The following GLRA2 variants were observed in gnomAD, a reference collection of about 807,000 sequenced individuals.
GLRA2 encodes glycine receptor subunit alpha-2.
GLRA2 carries 11 observed loss-of-function variants against 31.6 expected under a neutral mutation model. The ratio of observed to expected loss-of-function variants is 0.35; its 90% CI spans 0.22 to 0.58. The LOEUF is 0.58. GLRA2 is among the 20% of genes least tolerant of loss of function. The probability of loss-of-function intolerance (pLI) is 0.84; values close to 1 mark genes in which losing one functional copy is unlikely to be tolerated. For synonymous variants in GLRA2, 132 were observed against 134.0 expected (o/e 0.99, Z 0.10); for missense variants, 212 against 351.8 (o/e 0.60, Z 3.18).
the GLRA2 span, among the ~76,000 whole-genome samples, chrX:14,460,440 A>C: frequency 8.9e-6 from 1 of 112,086 alleles, no homozygotes; most frequent in Non-Finnish European, 1.9e-5. Context: ...TAATTTCAGA[A>C]GGAATGGAAC....
chrX:14,702,689 C>G (rs1296822470), intron 8 of GLRA2, among the ~76,000 whole-genome samples: 1 of 111,192 alleles, frequency 9.0e-6, no homozygotes, highest in Non-Finnish European at 1.9e-5. Flanking sequence ...AGGTTAAAAT[C>G]AAGGTATTGG....
chrX:14,631,805 T>C (rs1237924663), intron 7 of GLRA2, among the ~76,000 whole-genome samples: 3 of 98,946 alleles, frequency 3.0e-5, no homozygotes, highest in South Asian at 5.0e-4. Context: ...AGTTCACACA[T>C]ACATATACAC....
the GLRA2 span, among the ~76,000 whole-genome samples, chrX:14,452,696 G>C: frequency 9.6e-6 from 1 of 104,118 alleles, no homozygotes; most frequent in African/African-American, 3.3e-5. Flanking sequence ...AGACTGAGAA[G>C]TGGGGGGATT....
intron 8 of GLRA2, among the ~76,000 whole-genome samples, chrX:14,710,686 T>C: frequency 8.9e-6 from 1 of 111,885 alleles, no homozygotes; most frequent in Middle Eastern, 4.7e-3. Context: ...AGAACAGGGT[T>C]TCTCAAAACT....
chrX:14,701,018 G>T (rs1169155097), intron 8 of GLRA2, among the ~76,000 whole-genome samples: 2 of 110,304 alleles, frequency 1.8e-5, no homozygotes, highest in East Asian at 5.7e-4. Flanking sequence ...AAGTTTGTGG[G>T]TGGGTGGGTA....
intron 2 of GLRA2, among the ~76,000 whole-genome samples, chrX:14,564,121 G>T (rs1253973095): frequency 1.0e-5 from 1 of 98,076 alleles, no homozygotes; most frequent in Admixed American, 1.1e-4. Context: ...TAAGTTCCAA[G>T]TAGGGTAAAC....
chrX:14,616,505 A>G (rs1201342667), intron 7 of GLRA2, among the ~76,000 whole-genome samples: 1 of 111,590 alleles, frequency 9.0e-6, no homozygotes, highest in Non-Finnish European at 1.9e-5. Flanking sequence ...GCAGCTGACA[A>G]ACCCAGGACA....
chrX:14,726,200 T>C (rs955816412), intron 8 of GLRA2, among the ~76,000 whole-genome samples: 1 of 112,391 alleles, frequency 8.9e-6, no homozygotes, highest in Non-Finnish European at 1.9e-5. Context: ...CATATAGGAA[T>C]CTTGTCATAT....
At chrX:14,553,934 C>T (rs770414371) in intron 2 of GLRA2, among the ~76,000 whole-genome samples, 3 of 111,890 alleles carry the variant, frequency 2.7e-5, no homozygotes, top group Admixed American at 9.5e-5. Flanking sequence ...TACTTCCCGA[C>T]GTCTCATCCA....
rs563577529 is a variant in GLRA2 at position 14,579,371 on chromosome X, C to A, written c.271-1812C>A. On this transcript the variant is annotated intron_variant, in intron 3 of 8. Coordinates refer to ENST00000218075, the MANE Select transcript of GLRA2 (RefSeq NM_002063.4). ...TTTTAATGGAGTCTCCCTCTGTTGC[C>A]CAGGCTGGAGTGCAGTGGTGCAATC... 1.2e-4 allele frequency among the ~76,000 whole-genome samples: 13 copies of A among 110,287 alleles called. No homozygotes were observed. The South Asian group carries it at 5.2e-3, about 44-fold the overall frequency.
intron 8 of GLRA2, among the ~76,000 whole-genome samples, chrX:14,692,396 C>T (rs1489321700): frequency 8.9e-6 from 1 of 111,997 alleles, no homozygotes; most frequent in Admixed American, 9.5e-5. Context: ...TCTTACATTA[C>T]GATGGTATTT....
At chrX:14,509,789 T>C in the GLRA2 span, among the ~76,000 whole-genome samples, 2 of 112,522 alleles carry the variant, frequency 1.8e-5, no homozygotes, top group African/African-American at 6.5e-5. Flanking sequence ...TGAATTTCTT[T>C]GTCATCTTTT....
At chrX:14,646,379 T>A (rs2238915) in intron 7 of GLRA2, among the ~76,000 whole-genome samples, 14 of 111,208 alleles carry the variant, frequency 1.3e-4, no homozygotes, top group Non-Finnish European at 2.1e-4. Context: ...ATTCTTTACC[T>A]GATTAATATT....
intron 2 of GLRA2, among the ~76,000 whole-genome samples, chrX:14,572,668 A>T (rs1207417692): frequency 8.9e-6 from 1 of 112,365 alleles, no homozygotes; most frequent in African/African-American, 3.2e-5. Context: ...GACAAATTAA[A>T]AATAGTTGGA....
chrX:14,481,307 C>T, the GLRA2 span, among the ~76,000 whole-genome samples: 2 of 111,255 alleles, frequency 1.8e-5, no homozygotes, highest in East Asian at 5.7e-4. Context: ...TAATTAATGC[C>T]TGGGTGGCCT....
intron 8 of GLRA2, among the ~76,000 whole-genome samples, chrX:14,707,903 C>T (rs761456480): frequency 9.0e-6 from 1 of 111,078 alleles, no homozygotes; most frequent in Non-Finnish European, 1.9e-5. Flanking sequence ...TATGTATACA[C>T]TGTGAAATAA....
chrX:14,703,408 T>C (rs1268287518), intron 8 of GLRA2, among the ~76,000 whole-genome samples: 1 of 111,722 alleles, frequency 9.0e-6, no homozygotes, highest in African/African-American at 3.3e-5. Context: ...TCCATTGCCA[T>C]GTGTACCTCT....
chrX:14,716,764 T>C (rs1264536761), intron 8 of GLRA2, among the ~76,000 whole-genome samples: 1 of 111,470 alleles, frequency 9.0e-6, no homozygotes, highest in Admixed American at 9.5e-5. Context: ...ATCTATCCTT[T>C]AATATGAATG....
At chrX:14,612,042 A>G (rs2090404360) in intron 7 of GLRA2, among the ~76,000 whole-genome samples, 1 of 111,868 alleles carries the variant, frequency 8.9e-6, no homozygotes. Context: ...TGTACTATAA[A>G]GGACTGGAAT....
Sources: gnomAD v4.1 joint callset for allele counts (sites outside exome capture counted in the v4.1 genomes callset) on GRCh38, gnomAD v4.1.1 for gene constraint, MANE v1.5 for transcripts, NCBI Gene and HGNC (gene_info 2026-07-23, HGNC 2026-07-21) for gene names.